The following NBPF20 variants were observed in gnomAD, a reference collection of about 807,000 sequenced individuals.
The protein encoded by NBPF20 is NBPF member 20.
Under a neutral mutation model 68.1 loss-of-function variants are expected in NBPF20, and 90 were observed. The observed-to-expected ratio is 1.32, with a 90% CI of 1.11 to 1.58. NBPF20 has a LOEUF of 1.58. NBPF20 is among the 40% of genes most tolerant of loss of function. The pLI, the probability that NBPF20 is intolerant of heterozygous loss-of-function variation, is 0.00. For synonymous variants in NBPF20, 290 were observed against 228.1 expected, an observed-to-expected ratio of 1.27 and a Z score of -2.45; for missense variants, 816 against 601.2, an observed-to-expected ratio of 1.36 and a Z score of -3.74.
chr1:145,419,706 C>T, the NBPF20 span, among the ~76,000 whole-genome samples: 9 of 152,170 alleles, frequency 5.9e-5, no homozygotes, highest in African/African-American at 1.9e-4. Flanking sequence ...ACAGGCCATG[C>T]CCCTTTCTTT....
rs1191051417 is a variant in NBPF20 at position 145,393,867 on chromosome 1, C to T, written c.1043+17G>A. 2.5e-5 allele frequency: 38 copies of T among 1,545,608 alleles called. No homozygotes were observed. The East Asian group carries it at 7.6e-4, about 31-fold the overall frequency. On this transcript the variant is annotated intron_variant, in intron 9 of 137. Coordinates refer to ENST00000369373, the Ensembl canonical transcript of NBPF20. ...GTGTCAACATCAAATTAACTCTCCA[C>T]AATTTCTCAGACTCACCTGGGACCT...
rs587661618 is a variant in NBPF20, at chr1:145,405,234, T to C, written c.39A>G (p.Ala13=). Residue 13 remains alanine (A), a synonymous_variant, in exon 2 of 138, where the codon GCA becomes GCG. Transcript: ENST00000369373. ...CGTTGATTTCTAGAATGTTCATCTCTGCCTTCTCGCTGGACCAAGGGCCGG... is the reference window on the plus strand; with the variant it reads ...CGTTGATTTCTAGAATGTTCATCTCCGCCTTCTCGCTGGACCAAGGGCCGG... 4.3e-6 allele frequency: 7 copies of C among 1,610,834 alleles called. No individual in the cohort carries two copies. In the East Asian group the frequency reaches 1.6e-4, roughly 36 times the overall value.
upstream of NBPF20, among the ~76,000 whole-genome samples, chr1:145,406,282 G>C (rs1476712820): frequency 6.6e-6 from 1 of 151,254 alleles, no homozygotes; most frequent in Non-Finnish European, 1.5e-5. Context: ...TTGTTTGATT[G>C]TGTTTTTCCC....
At chr1:145,397,285 G>A (rs1225214746) in intron 7 of NBPF20, among the ~76,000 whole-genome samples, 1 of 152,108 alleles carries the variant, frequency 6.6e-6, no homozygotes, top group African/African-American at 2.4e-5. Flanking sequence ...TACACACCCA[G>A]TAATGGGATG....
In NBPF20 at chr1:145,393,938, G is replaced by C; in HGVS notation, c.992-3C>G. ...TTTCACTTGATCCCACCGATGTCCT[G>C]CAAATAAATTCAGATGGGCCCTCTT... On this transcript the variant is annotated splice_region_variant and splice_polypyrimidine_tract_variant and intron_variant, in intron 8 of 137. Coordinates refer to ENST00000369373, the Ensembl canonical transcript of NBPF20. 2.2e-6 allele frequency: 3 copies of C among 1,351,232 alleles called. No homozygotes were observed. Among genetic ancestry groups the C allele is most frequent in the Non-Finnish European group, 3.1e-6 (3 of 954,868 alleles). The allele number at this position is 1,351,232 out of a possible 1,614,324, so 83.7% of individuals were successfully genotyped here.
At chr1:145,410,816 GTA>G in the NBPF20 span, among the ~76,000 whole-genome samples, 91,049 of 116,828 alleles carry the variant, frequency 0.78, 35,073 homozygotes, top group Non-Finnish European at 0.81. Flanking sequence ...ATATATATAC[GTA>G]TATATATATA....
intron 137 of NBPF20, 143 bp from the exon 143 acceptor site, chr1:145,291,912 C>G: frequency 6.5e-7 from 1 of 1,537,984 alleles, no homozygotes; most frequent in South Asian, 1.3e-5. Context: ...AAATTTATTG[C>G]CTATATGTTG....
chr1:145,378,222 G>C lies in NBPF20; in HGVS notation c.3413-128C>G. On this transcript the variant is annotated intron_variant, in intron 28 of 137. Coordinates refer to ENST00000369373, the Ensembl canonical transcript of NBPF20. ...TGAGAATAGGACACTGTGAGAGATA[G>C]TCTTCAGGAGGCCTGAAGGCTGATC... The C allele has an allele frequency of 5.2e-5, 3 of 57,144 alleles. 1 individual carries two copies. Among genetic ancestry groups the C allele is most frequent in the South Asian group, 3.2e-4 (3 of 9,274 alleles). 3.5% of individuals were successfully genotyped at this position (57,144 alleles called of 1,614,324 possible).
At chr1:145,393,482 C>G (rs1453981704) in intron 9 of NBPF20, among the ~76,000 whole-genome samples, 4 of 150,182 alleles carry the variant, frequency 2.7e-5, no homozygotes, top group Admixed American at 6.6e-5. Context: ...CACACACACA[C>G]ACACACACAG....
At chr1:145,403,098 C>T (rs1662603187) in intron 3 of NBPF20, 118 bp downstream of exon 8, 2 of 1,065,938 alleles carry the variant, frequency 1.9e-6, no homozygotes, top group Non-Finnish European at 2.9e-6. Flanking sequence ...GCGAGCCTGC[C>T]ATGGCAATTC....
At chr1:145,398,031 A>G (rs1662345058) in intron 7 of NBPF20, among the ~76,000 whole-genome samples, 1 of 152,172 alleles carries the variant, frequency 6.6e-6, no homozygotes, top group African/African-American at 2.4e-5. Context: ...ACAAGAGTTA[A>G]CTATCCTAAA....
intron 7 of NBPF20, among the ~76,000 whole-genome samples, chr1:145,398,220 A>G (rs1400108374): frequency 6.6e-6 from 1 of 151,800 alleles, no homozygotes; most frequent in Non-Finnish European, 1.5e-5. Context: ...TCAGCTCTCC[A>G]CCAAGCAGAC....
chr1:145,338,088 G>T, intron 79 of NBPF20, among the ~76,000 whole-genome samples: 1 of 75,544 alleles, frequency 1.3e-5, no homozygotes, highest in Non-Finnish European at 2.7e-5. Flanking sequence ...AATTGTCCAG[G>T]TGACACACTG....
intron 7 of NBPF20, among the ~76,000 whole-genome samples, chr1:145,398,532 G>A (rs1317544747): frequency 6.6e-6 from 1 of 152,060 alleles, no homozygotes; most frequent in Non-Finnish European, 1.5e-5. Context: ...AAACCAATGA[G>A]AACAAAGACA....
chr1:145,372,348 GGCTTCC>G (rs1424368310), intron 36 of NBPF20, among the ~76,000 whole-genome samples, 158 bp downstream of exon 41: 1 of 61,036 alleles, frequency 1.6e-5, no homozygotes, highest in African/African-American at 8.4e-5. Flanking sequence ...TTCATGTCTA[GGCTTCC>G]AACTGAGACT....
chr1:145,406,085 A>AC (rs1662767437), upstream of NBPF20, among the ~76,000 whole-genome samples: 1 of 117,654 alleles, frequency 8.5e-6, no homozygotes, highest in Non-Finnish European at 1.7e-5. Context: ...CGCCCGGCTA[A>AC]TTTTTTTTTT....
chr1:145,412,616 C>G, the NBPF20 span, among the ~76,000 whole-genome samples: 1 of 150,750 alleles, frequency 6.6e-6, no homozygotes, highest in Non-Finnish European at 1.5e-5. Flanking sequence ...GGGACATCAT[C>G]ATTTAAAGTG....
intron 8 of NBPF20, among the ~76,000 whole-genome samples, chr1:145,394,612 C>A (rs1662124193): frequency 6.6e-6 from 1 of 151,970 alleles, no homozygotes; most frequent in African/African-American, 2.4e-5. Context: ...GAACAAAACT[C>A]ATAAGGAATT....
the NBPF20 span, among the ~76,000 whole-genome samples, chr1:145,414,947 G>A: frequency 6.6e-6 from 1 of 151,986 alleles, no homozygotes; most frequent in African/African-American, 2.4e-5. Context: ...AAAAGAAAGA[G>A]ACACAGAGAC....
Sources: allele counts gnomAD v4.1 joint callset (sites outside exome capture counted in the v4.1 genomes callset), GRCh38; gene constraint gnomAD v4.1.1; transcripts MANE v1.5; gene names NCBI Gene and HGNC (gene_info 2026-07-23, HGNC 2026-07-21).